SOBP: variants seen among roughly 807,000 people sequenced by gnomAD.
The protein encoded by SOBP is sine oculis binding protein homolog, also known as sine oculis-binding protein homolog.
A neutral mutation model predicts 53.6 loss-of-function variants in SOBP; 4 were observed. The ratio of observed to expected loss-of-function variants is 0.07; its 90% confidence interval spans 0.04 to 0.17. SOBP has a LOEUF of 0.17. SOBP is among the 10% of genes least tolerant of loss of function. The probability of loss-of-function intolerance (pLI) is 1.00; values close to 1 mark genes in which losing one functional copy is unlikely to be tolerated. For missense variants in SOBP, 1,088 were observed against 1,204.7 expected (o/e 0.90, Z 1.43); for synonymous variants, 584 against 522.6 (o/e 1.12, Z -1.60).
intron 5 of SOBP, among the ~76,000 whole-genome samples, chr6:107,615,034 A>G (rs554950592): frequency 6.6e-6 from 1 of 152,328 alleles, no homozygotes; most frequent in African/African-American, 2.4e-5. Flanking sequence ...TATGCTGATA[A>G]TTAGAGAACT....
intron 5 of SOBP, among the ~76,000 whole-genome samples, chr6:107,595,968 A>G (rs1166232380): frequency 1.3e-5 from 2 of 152,094 alleles, no homozygotes; most frequent in Non-Finnish European, 2.9e-5. Flanking sequence ...CCCTAATTGT[A>G]TTTTTTGCAC....
At chr6:107,532,770 A>G (rs1238546504) in intron 3 of SOBP, among the ~76,000 whole-genome samples, 1 of 152,098 alleles carries the variant, frequency 6.6e-6, no homozygotes, top group Non-Finnish European at 1.5e-5. Context: ...ACCACATCAC[A>G]TGGAGGAGAA....
At chr6:107,638,366 A>T (rs1263366788) in intron 6 of SOBP, among the ~76,000 whole-genome samples, 1 of 152,188 alleles carries the variant, frequency 6.6e-6, no homozygotes, top group African/African-American at 2.4e-5. Flanking sequence ...ACGCGCCACG[A>T]TGCCCAGCTA....
intron 6 of SOBP, among the ~76,000 whole-genome samples, chr6:107,648,695 C>T (rs745390376): frequency 3.9e-5 from 6 of 152,074 alleles, no homozygotes; most frequent in Non-Finnish European, 5.9e-5. Context: ...GGGGTCAGCT[C>T]TCCCAGCGGG....
rs555463151 is a variant in SOBP at position 107,581,043 on chromosome 6, C to A, written c.574-6037C>A. 8.5e-5 allele frequency among the ~76,000 whole-genome samples: 13 copies of A among 152,332 alleles called. No homozygotes were observed. The East Asian group carries it at 1.9e-3, about 23-fold the overall frequency. The stretch of plus-strand genomic sequence containing the variant: ...TTCGCTCACTCGGTCATTTATGGAA[C>A]CCTTATAATATGCCAGGCACTAGTC... On this transcript the variant is annotated intron_variant, in intron 4 of 6. Coordinates refer to ENST00000317357, the MANE Select transcript of SOBP (RefSeq NM_018013.4).
At chr6:107,518,511 T>G (rs1783386897) in intron 3 of SOBP, among the ~76,000 whole-genome samples, 1 of 152,204 alleles carries the variant, frequency 6.6e-6, no homozygotes, top group African/African-American at 2.4e-5. Context: ...AATGCAATAA[T>G]TCTATCTTAG....
At chr6:107,507,855 A>G (rs1371526822) in intron 3 of SOBP, among the ~76,000 whole-genome samples, 2 of 151,974 alleles carry the variant, frequency 1.3e-5, no homozygotes, top group Non-Finnish European at 2.9e-5. Flanking sequence ...TCATTCTTAT[A>G]TTTCCAGAAA....
At chr6:107,625,220 T>C (rs1269633393) in intron 5 of SOBP, among the ~76,000 whole-genome samples, 1 of 152,188 alleles carries the variant, frequency 6.6e-6, no homozygotes, top group Non-Finnish European at 1.5e-5. Context: ...GTAGTCACAA[T>C]AATAAAAGCC....
chr6:107,647,240 G>T (rs1397332509), intron 6 of SOBP, among the ~76,000 whole-genome samples: 1 of 152,174 alleles, frequency 6.6e-6, no homozygotes, highest in Non-Finnish European at 1.5e-5. Context: ...ATGAGACTTA[G>T]CATTATTAAG....
chr6:107,533,295 A>AAAAG (rs1783893002), intron 3 of SOBP, among the ~76,000 whole-genome samples, 164 bp from the exon 4 acceptor site: 1 of 146,306 alleles, frequency 6.8e-6, no homozygotes, highest in East Asian at 2.4e-4. Context: ...AAAAAAAAAA[A>AAAAG]AGAGAGAGAG....
At chr6:107,596,087 G>A (rs1461351082) in intron 5 of SOBP, among the ~76,000 whole-genome samples, 1 of 152,078 alleles carries the variant, frequency 6.6e-6, no homozygotes, top group African/African-American at 2.4e-5. Context: ...AGTCTGCCCT[G>A]GCCAAGAGCT....
chr6:107,608,109 G>A (rs2115096634), intron 5 of SOBP, among the ~76,000 whole-genome samples: 1 of 152,322 alleles, frequency 6.6e-6, no homozygotes, highest in South Asian at 2.1e-4. Context: ...CTGAAGGAAG[G>A]ATAGATAACC....
intron 2 of SOBP, among the ~76,000 whole-genome samples, chr6:107,505,536 T>A (rs892202622): frequency 2.0e-5 from 3 of 152,088 alleles, no homozygotes; most frequent in Non-Finnish European, 2.9e-5. Context: ...TTGGCCAGGC[T>A]GGTTTCAAAC....
chr6:107,500,628 T>C (rs1782814759), intron 1 of SOBP, among the ~76,000 whole-genome samples: 2 of 151,660 alleles, frequency 1.3e-5, no homozygotes, highest in South Asian at 4.2e-4. Flanking sequence ...TTCACGCCAT[T>C]CTCCTGCCTC....
chr6:107,581,512 G>A (rs74898632), intron 4 of SOBP, among the ~76,000 whole-genome samples: 4,173 of 152,264 alleles, frequency 0.027, 74 homozygotes, highest in Non-Finnish European at 0.038. Flanking sequence ...GCTGAACAGA[G>A]ATCCCAGGTG....
chr6:107,652,981 A>C (rs1015814462), intron 6 of SOBP, among the ~76,000 whole-genome samples: 1 of 151,954 alleles, frequency 6.6e-6, no homozygotes, highest in Admixed American at 6.5e-5. Context: ...GCACTGGGAA[A>C]CCCTCCAAAA....
intron 4 of SOBP, among the ~76,000 whole-genome samples, chr6:107,574,574 C>CT (rs1342068555): frequency 2.0e-5 from 3 of 152,162 alleles, no homozygotes; most frequent in Non-Finnish European, 2.9e-5. Context: ...GGTGAGAAGT[C>CT]TGTCAGCTTC....
chr6:107,557,959 A>G (rs1243012418), intron 4 of SOBP: 1 of 152,102 alleles, frequency 6.6e-6, no homozygotes, highest in African/African-American at 2.4e-5. Context: ...CCCATGTTAT[A>G]TTGCCATTCA....
At chr6:107,608,272 C>G (rs1307805206) in intron 5 of SOBP, among the ~76,000 whole-genome samples, 1 of 152,042 alleles carries the variant, frequency 6.6e-6, no homozygotes, top group Non-Finnish European at 1.5e-5. Context: ...GTTGTTTCCC[C>G]TCACCTCTGA....
Sources: allele counts gnomAD v4.1 joint callset (sites outside exome capture counted in the v4.1 genomes callset), GRCh38; gene constraint gnomAD v4.1.1; transcripts MANE v1.5; gene names NCBI Gene and HGNC (gene_info 2026-07-23, HGNC 2026-07-21).